The following BCL2 variants were observed in gnomAD, a reference collection of about 807,000 sequenced individuals.
BCL2 encodes BCL2 apoptosis regulator, also known as apoptosis regulator Bcl-2.
A neutral mutation model predicts 14.2 loss-of-function variants in BCL2; 1 was observed. The observed-to-expected ratio is 0.07, with a 90% CI of 0.02 to 0.33. The LOEUF is 0.33. BCL2 is among the 10% of genes least tolerant of loss of function. The pLI is 0.99. For synonymous variants in BCL2, 151 were observed against 137.2 expected, an observed-to-expected ratio of 1.10 and a Z score of -0.70; for missense variants, 247 against 305.9, an observed-to-expected ratio of 0.81 and a Z score of 1.44.
intron 2 of BCL2, among the ~76,000 whole-genome samples, chr18:63,133,452 G>A (rs1012992204): frequency 2.7e-5 from 4 of 149,120 alleles, no homozygotes; most frequent in Non-Finnish European, 3.0e-5. Flanking sequence ...TACTACGCCC[G>A]GCTAATTTTT....
At chr18:63,238,810 G>A (rs1209807417) in intron 2 of BCL2, among the ~76,000 whole-genome samples, 1 of 152,194 alleles carries the variant, frequency 6.6e-6, no homozygotes, top group Non-Finnish European at 1.5e-5. Context: ...CTCAGGGAGC[G>A]GAAGGGTACC....
intron 2 of BCL2, among the ~76,000 whole-genome samples, chr18:63,180,734 C>G (rs1376859573): frequency 3.3e-5 from 5 of 152,188 alleles, no homozygotes; most frequent in Non-Finnish European, 5.9e-5. Context: ...GGCTCTCAAA[C>G]TACTAGTGAT....
At chr18:63,273,605 CTCTTGA>C (rs1912063765) in intron 2 of BCL2, among the ~76,000 whole-genome samples, 2 of 152,218 alleles carry the variant, frequency 1.3e-5, no homozygotes, top group African/African-American at 4.8e-5. Context: ...CCTTGGCAGT[CTCTTGA>C]ACTCTTTGGA....
chr18:63,218,664 CT>C (rs1910281243), intron 2 of BCL2, among the ~76,000 whole-genome samples: 7 of 468 alleles, frequency 0.015, no homozygotes, highest in African/African-American at 0.015. Flanking sequence ...CATCCCCATC[CT>C]CCAGTCATCC....
intron 2 of BCL2, among the ~76,000 whole-genome samples, chr18:63,209,268 T>C (rs755132382): frequency 7.2e-5 from 11 of 152,164 alleles, no homozygotes; most frequent in Non-Finnish European, 1.6e-4. Flanking sequence ...AGGGTGCAAG[T>C]TGGGCTTTTG....
chr18:63,226,152 A>C (rs1469818340), intron 2 of BCL2, among the ~76,000 whole-genome samples: 1 of 152,192 alleles, frequency 6.6e-6, no homozygotes, highest in Non-Finnish European at 1.5e-5. Context: ...CTACACCGTC[A>C]AACTGTCCCT....
rs562719081 is a variant in BCL2 at position 63,224,197 on chromosome 18, T to C, written c.585+93885A>G. Among the ~76,000 whole-genome samples, 11 of 152,186 alleles carry C rather than the reference T, an allele frequency of 7.2e-5. No individual in the cohort carries two copies. In the East Asian group the frequency reaches 1.9e-3, roughly 27 times the overall value. On this transcript the variant is annotated intron_variant, in intron 2 of 2. Transcript: ENST00000333681. ...GAGATGGAAAACAGGTGAGAAAATA[T>C]GAAAAAATCACAAAACTGTCCAGGA...
At chr18:63,169,265 T>TTCCTTCCTTCC (rs1555697315) in intron 2 of BCL2, among the ~76,000 whole-genome samples, 1 of 53,798 alleles carries the variant, frequency 1.9e-5, no homozygotes, top group Non-Finnish European at 3.1e-5. Flanking sequence ...TCTTTCTTTC[T>TTCCTTCCTTCC]TTCTTTCTTT....
chr18:63,255,098 C>T (rs756070040), intron 2 of BCL2, among the ~76,000 whole-genome samples: 5 of 152,156 alleles, frequency 3.3e-5, no homozygotes, highest in South Asian at 2.1e-4. Context: ...TGAAAGACAA[C>T]GGAAAGGAGT....
intron 2 of BCL2, among the ~76,000 whole-genome samples, chr18:63,239,683 T>C (rs191822679): frequency 1.6e-3 from 245 of 151,024 alleles, no homozygotes; most frequent in Middle Eastern, 0.014. Context: ...GAGGTTGCAG[T>C]GAGCTGAGAT....
rs967422204 is a variant in BCL2, at chr18:63,149,441, C to T, written c.586-20682G>A. On this transcript the variant is annotated intron_variant, in intron 2 of 2. Coordinates refer to ENST00000333681, the MANE Select transcript of BCL2 (RefSeq NM_000633.3). This position sits in a 1 kb window ranked among gnomAD's most constrained non-coding sequence, Gnocchi z 4.2. ...TTCCTAACAGGCCACAGACCCATAC[C>T]GGTCCCGGGCTATATGTATAAGTTG... is the stretch of plus-strand genomic sequence containing the variant. Among the ~76,000 whole-genome samples the T allele has an allele frequency of 1.3e-5, 2 of 152,226 alleles. No homozygotes were observed. The highest frequency in any genetic ancestry group is 2.4e-5 in the African/African-American group (1 of 41,456).
At position 63,123,835 on chromosome 18, in the gene BCL2, C is replaced by G. The variant is rs1369408288; in HGVS notation, c.*4790G>C. 4.6e-6 allele frequency: 1 copy of G among 217,968 alleles called. No homozygotes were observed. Among genetic ancestry groups the G allele is most frequent in the Non-Finnish European group, 9.2e-6 (1 of 108,444 alleles). 13.5% of individuals were successfully genotyped at this position (217,968 alleles called of 1,614,324 possible). ...TTAATGAAATGAGCTATCTGGAGGG[C>G]CCACGGCAGATTTTCCAAAAGGTTT... is the stretch of plus-strand genomic sequence containing the variant. On this transcript the variant is annotated 3_prime_UTR_variant, in exon 3 of 3. Coordinates refer to ENST00000333681, the MANE Select transcript of BCL2 (RefSeq NM_000633.3).
chr18:63,319,101 C>A, intron 1 of BCL2, 73 bp downstream of exon 1: 7 of 1,027,756 alleles, frequency 6.8e-6, no homozygotes, highest in Non-Finnish European at 8.3e-6. Context: ...TACTCGAATG[C>A]ACTTTAAGTA....
intron 2 of BCL2, among the ~76,000 whole-genome samples, chr18:63,185,462 C>G (rs927793421): frequency 1.3e-5 from 2 of 152,166 alleles, no homozygotes; most frequent in Non-Finnish European, 2.9e-5. Flanking sequence ...TGAGAAGAGA[C>G]AAGAAGAAGA....
At chr18:63,213,547 A>AC (rs1910108678) in intron 2 of BCL2, among the ~76,000 whole-genome samples, 3 of 146,240 alleles carry the variant, frequency 2.1e-5, no homozygotes, top group African/African-American at 7.6e-5. Context: ...CACACACATA[A>AC]ACACACACAC....
chr18:63,218,356 C>T (rs949776985), intron 2 of BCL2, among the ~76,000 whole-genome samples: 4 of 152,094 alleles, frequency 2.6e-5, no homozygotes, highest in Non-Finnish European at 4.4e-5. Flanking sequence ...CTAAAACCCT[C>T]AATGTCTCTC....
rs141113836 is a variant in BCL2 at position 63,196,186 on chromosome 18, T to A, written c.586-67427A>T. ...CCTCTACCAGACCTGGTACACGGTTTGTTTTTTGTGTTCAATGAACCACAA... is the reference window on the plus strand; with the variant it reads ...CCTCTACCAGACCTGGTACACGGTTAGTTTTTTGTGTTCAATGAACCACAA... On this transcript the variant is annotated intron_variant, in intron 2 of 2. Transcript: ENST00000333681. Among the ~76,000 whole-genome samples, 67 of 152,342 alleles carry A rather than the reference T, an allele frequency of 4.4e-4. No individual in the cohort carries two copies. In the East Asian group the frequency reaches 0.011, roughly 24 times the overall value.
chr18:63,274,031 A>C (rs1208259072), intron 2 of BCL2, among the ~76,000 whole-genome samples: 3 of 152,180 alleles, frequency 2.0e-5, no homozygotes, highest in African/African-American at 4.8e-5. Flanking sequence ...GGACCCAGGG[A>C]GCCATTTTTA....
intron 2 of BCL2, among the ~76,000 whole-genome samples, chr18:63,185,335 CTA>C (rs1320209869): frequency 2.0e-5 from 3 of 152,208 alleles, no homozygotes; most frequent in African/African-American, 7.2e-5. Flanking sequence ...TAACGTCTGA[CTA>C]TTTGTGATTT....
Sources: gnomAD v4.1 joint callset for allele counts (sites outside exome capture counted in the v4.1 genomes callset) on GRCh38, gnomAD v4.1.1 for gene constraint, Gnocchi (gnomAD v3.1) non-coding constraint, MANE v1.5 for transcripts, NCBI Gene and HGNC (gene_info 2026-07-23, HGNC 2026-07-21) for gene names.